The following RNF150 variants were observed in gnomAD, a reference collection of about 807,000 sequenced individuals.
RNF150 encodes the protein ring finger protein 150.
RNF150 carries 24 observed loss-of-function variants against 39.3 expected under a neutral mutation model. That is an observed-to-expected ratio of 0.61 (90% CI 0.44 to 0.86). RNF150 has a LOEUF of 0.86. Among genes scored for constraint, RNF150 ranks in the 40% least tolerant of loss-of-function variants. RNF150 has a pLI of 0.00. For missense variants in RNF150, 502 were observed against 587.8 expected, an observed-to-expected ratio of 0.85 and a Z score of 1.51; for synonymous variants, 255 against 227.3, an observed-to-expected ratio of 1.12 and a Z score of -1.10.
chr4:140,953,634 C>A (rs1732628850), intron 2 of RNF150, among the ~76,000 whole-genome samples: 2 of 151,370 alleles, frequency 1.3e-5, no homozygotes, highest in African/African-American at 4.9e-5. Context: ...TCAGTATATG[C>A]ATGCTTATTC....
intron 1 of RNF150, among the ~76,000 whole-genome samples, chr4:141,034,331 G>C (rs1039436116): frequency 4.6e-5 from 7 of 152,154 alleles, no homozygotes; most frequent in African/African-American, 1.7e-4. Context: ...CCATTGAAGA[G>C]AATTAGGGTC....
At chr4:141,123,877 G>A (rs1337179354) in intron 1 of RNF150, among the ~76,000 whole-genome samples, 1 of 152,208 alleles carries the variant, frequency 6.6e-6, no homozygotes, top group Non-Finnish European at 1.5e-5. Context: ...CAAAGGACAA[G>A]AACTCATCCT....
chr4:141,086,092 C>G (rs941257052), intron 1 of RNF150, among the ~76,000 whole-genome samples: 1 of 150,712 alleles, frequency 6.6e-6, no homozygotes, highest in Admixed American at 6.6e-5. Flanking sequence ...CAGTGGCAAG[C>G]AGGACAAACA....
intron 1 of RNF150, among the ~76,000 whole-genome samples, chr4:141,113,145 T>C (rs1373582317): frequency 6.6e-6 from 1 of 152,000 alleles, no homozygotes; most frequent in Non-Finnish European, 1.5e-5. Context: ...TTCAAGGTTC[T>C]TAGCTTCCTT....
intron 1 of RNF150, among the ~76,000 whole-genome samples, chr4:141,189,274 C>A (rs1423357417): frequency 6.6e-6 from 1 of 152,190 alleles, no homozygotes; most frequent in African/African-American, 2.4e-5. Context: ...CTGGAAGCTT[C>A]ATCCCAGAGG....
At chr4:141,165,780 C>T (rs550530999) in intron 1 of RNF150, among the ~76,000 whole-genome samples, 3 of 152,194 alleles carry the variant, frequency 2.0e-5, no homozygotes, top group East Asian at 1.9e-4. Context: ...ACCAGAATCT[C>T]GGGGGCACAA....
At chr4:141,176,236 G>C (rs1727809937) in intron 1 of RNF150, among the ~76,000 whole-genome samples, 1 of 152,032 alleles carries the variant, frequency 6.6e-6, no homozygotes, top group Non-Finnish European at 1.5e-5. Context: ...CCTTTCATGA[G>C]GGGTCCAACC....
intron 6 of RNF150, among the ~76,000 whole-genome samples, chr4:140,869,858 C>G (rs567282595): frequency 6.6e-6 from 1 of 152,046 alleles, no homozygotes; most frequent in East Asian, 1.9e-4. Flanking sequence ...GGAATATGGA[C>G]AGAGGAGGCC....
At chr4:141,008,337 T>C (rs1578626101) in intron 1 of RNF150, among the ~76,000 whole-genome samples, 1 of 152,186 alleles carries the variant, frequency 6.6e-6, no homozygotes, top group East Asian at 1.9e-4. Context: ...TTTTATTGGA[T>C]ATATGTATTG....
chr4:141,186,298 A>G (rs1560772431), intron 1 of RNF150, among the ~76,000 whole-genome samples: 1 of 151,978 alleles, frequency 6.6e-6, no homozygotes, highest in Admixed American at 6.6e-5. Flanking sequence ...TTTCTTCTAG[A>G]TTTTCTAGAT....
At chr4:140,886,188 C>CAAA (rs1237149916) in intron 6 of RNF150, among the ~76,000 whole-genome samples, 2 of 24,590 alleles carry the variant, frequency 8.1e-5, no homozygotes, top group Non-Finnish European at 6.7e-5. Context: ...GCGACTCCAT[C>CAAA]ACAAAAAAAA....
chr4:141,096,300 G>A (rs1488865575), intron 1 of RNF150, among the ~76,000 whole-genome samples: 7 of 145,214 alleles, frequency 4.8e-5, no homozygotes, highest in Admixed American at 1.4e-4. Flanking sequence ...GGGTTCAAGC[G>A]ATTCTCCTGC....
chr4:141,157,758 A>C (rs1194290789), intron 1 of RNF150, among the ~76,000 whole-genome samples: 1 of 152,202 alleles, frequency 6.6e-6, no homozygotes, highest in African/African-American at 2.4e-5. Flanking sequence ...TATAGTATAA[A>C]CAAGACTGCC....
Position 141,121,505 on chromosome 4 carries a change from G to A in RNF150, c.484+10820C>T, listed in dbSNP as rs1342022138. ...ACCTCTTAAGCTTGGAGGACTGCTC[G>A]TATAATAATCAACATTTAGCATATA... On this transcript the variant is annotated intron_variant, in intron 1 of 6. Coordinates refer to ENST00000515673, the MANE Select transcript of RNF150 (RefSeq NM_020724.2). Among the ~76,000 whole-genome samples the A allele has an allele frequency of 3.3e-5, 5 of 152,160 alleles. No homozygotes were observed. In the South Asian group the frequency reaches 6.2e-4, roughly 19 times the overall value.
At chr4:141,062,479 C>T (rs1353782423) in intron 1 of RNF150, among the ~76,000 whole-genome samples, 2 of 151,922 alleles carry the variant, frequency 1.3e-5, no homozygotes, top group African/African-American at 4.8e-5. Context: ...ATAATCTTAC[C>T]ACTTAGAGGC....
At position 140,866,959 on chromosome 4, in the gene RNF150, T is replaced by C. The variant is rs1174760539; in HGVS notation, c.*1302A>G. 6.6e-6 allele frequency: 1 copy of C among 152,240 alleles called. No homozygotes were observed. The highest frequency in any genetic ancestry group is 1.5e-5 in the Non-Finnish European group (1 of 68,050). 9.4% of individuals were successfully genotyped at this position (152,240 alleles called of 1,614,324 possible). A position where few individuals can be genotyped will look rare whatever the true frequency, so the allele number is the denominator to read the frequency against. On this transcript the variant is annotated 3_prime_UTR_variant, in exon 7 of 7. Transcript: ENST00000515673. ...TTAAAAACACCATTGGGTTTCAGTATTTACTTGATACCTCTTTTCCTTTCC... is the reference window on the plus strand; with the variant it reads ...TTAAAAACACCATTGGGTTTCAGTACTTACTTGATACCTCTTTTCCTTTCC...
intron 2 of RNF150, among the ~76,000 whole-genome samples, chr4:140,961,133 A>T (rs1377913185): frequency 6.6e-6 from 1 of 152,204 alleles, no homozygotes; most frequent in African/African-American, 2.4e-5. Flanking sequence ...AACATGGCAC[A>T]CCAGCCAAAT....
intron 2 of RNF150, among the ~76,000 whole-genome samples, chr4:140,958,234 C>A (rs903044409): frequency 7.9e-5 from 12 of 151,922 alleles, no homozygotes; most frequent in African/African-American, 2.9e-4. Flanking sequence ...TTTTGGTATC[C>A]ATGGGTAGGA....
intron 1 of RNF150, among the ~76,000 whole-genome samples, chr4:141,005,987 T>A (rs1409603737): frequency 3.1e-5 from 4 of 130,006 alleles, no homozygotes; most frequent in Non-Finnish European, 6.8e-5. Context: ...GAGAATGGCG[T>A]GAACCCGGGA....
Sources: gnomAD v4.1 joint callset for allele counts (sites outside exome capture counted in the v4.1 genomes callset) on GRCh38, gnomAD v4.1.1 for gene constraint, MANE v1.5 for transcripts, NCBI Gene and HGNC (gene_info 2026-07-23, HGNC 2026-07-21) for gene names.